Variants in GABRB1 observed in about 807,000 individuals in gnomAD.
GABRB1 encodes the protein gamma-aminobutyric acid receptor subunit beta-1.
Under a neutral mutation model 51.6 loss-of-function variants are expected in GABRB1, and 17 were observed. That is an observed-to-expected ratio of 0.33 (90% CI 0.23 to 0.49). GABRB1 has a LOEUF of 0.49. GABRB1 is among the 20% of genes least tolerant of loss of function. GABRB1 has a pLI of 0.99. For synonymous variants in GABRB1, 247 were observed against 218.9 expected (o/e 1.13, Z -1.14); for missense variants, 410 against 600.6 (o/e 0.68, Z 3.32).
At chr4:47,299,370 G>C (rs1240491267) in intron 4 of GABRB1, among the ~76,000 whole-genome samples, 1 of 151,954 alleles carries the variant, frequency 6.6e-6, no homozygotes, top group South Asian at 2.1e-4. Flanking sequence ...CAGAATCTAC[G>C]ATGAACTCAA....
intron 5 of GABRB1, among the ~76,000 whole-genome samples, chr4:47,334,579 C>T (rs1017472987): frequency 3.3e-5 from 5 of 152,094 alleles, no homozygotes; most frequent in Non-Finnish European, 7.4e-5. Flanking sequence ...CAAATATTTT[C>T]TATGTAGAAA....
chr4:47,397,968 A>G (rs1036413136), intron 5 of GABRB1, among the ~76,000 whole-genome samples: 1 of 152,216 alleles, frequency 6.6e-6, no homozygotes, highest in African/African-American at 2.4e-5. Flanking sequence ...TGTTGGCATT[A>G]TGAGGCAATC....
chr4:47,313,675 G>A (rs940795499), intron 4 of GABRB1, among the ~76,000 whole-genome samples: 1 of 152,070 alleles, frequency 6.6e-6, no homozygotes, highest in Non-Finnish European at 1.5e-5. Context: ...TTAACCATAA[G>A]CATTACAGAA....
At chr4:47,081,240 G>A (rs907018318) in intron 3 of GABRB1, among the ~76,000 whole-genome samples, 2 of 152,074 alleles carry the variant, frequency 1.3e-5, no homozygotes, top group African/African-American at 4.8e-5. Context: ...GTATAGCAGT[G>A]GAAGCACGTT....
chr4:47,093,410 C>T (rs1471098360), intron 3 of GABRB1, among the ~76,000 whole-genome samples: 1 of 151,954 alleles, frequency 6.6e-6, no homozygotes, highest in Non-Finnish European at 1.5e-5. Flanking sequence ...ATTGGGTAAT[C>T]AATGAGCAAT....
intron 4 of GABRB1, among the ~76,000 whole-genome samples, chr4:47,189,205 A>G (rs1177385509): frequency 6.6e-6 from 1 of 151,918 alleles, no homozygotes. Context: ...GGAAACAGCT[A>G]CCAGGGCAAT....
At chr4:47,016,891 G>A (rs1241049362) in intron 1 of GABRB1, among the ~76,000 whole-genome samples, 1 of 152,098 alleles carries the variant, frequency 6.6e-6, no homozygotes, top group Non-Finnish European at 1.5e-5. Flanking sequence ...TGCCTGGCCT[G>A]TGCAGACAAT....
chr4:47,202,481 T>C (rs1389709378), intron 4 of GABRB1, among the ~76,000 whole-genome samples: 2 of 152,208 alleles, frequency 1.3e-5, no homozygotes, highest in Non-Finnish European at 2.9e-5. Context: ...ATTTGTTGAA[T>C]ACCTTCTATT....
intron 5 of GABRB1, among the ~76,000 whole-genome samples, chr4:47,344,814 C>A (rs1726031287): frequency 6.6e-6 from 1 of 152,102 alleles, no homozygotes. Context: ...CCCCTGCCTC[C>A]CAGGTTCAAG....
intron 4 of GABRB1, among the ~76,000 whole-genome samples, chr4:47,189,899 A>G (rs533583956): frequency 1.5e-4 from 23 of 152,090 alleles, no homozygotes; most frequent in Middle Eastern, 6.8e-3. Context: ...CTGTTGTACA[A>G]CATACTATTA....
intron 3 of GABRB1, among the ~76,000 whole-genome samples, chr4:47,049,586 T>C (rs776797302): frequency 2.2e-4 from 34 of 152,198 alleles, no homozygotes; most frequent in Non-Finnish European, 4.4e-4. Context: ...GAGGTTAAAA[T>C]AGCAAGTTAT....
intron 3 of GABRB1, among the ~76,000 whole-genome samples, chr4:47,131,435 G>A (rs564488646): frequency 5.3e-5 from 8 of 152,272 alleles, no homozygotes; most frequent in Admixed American, 6.5e-5. Context: ...TGGGATTACC[G>A]GTGTGAGCCA....
chr4:47,172,857 G>A (rs1464238113), intron 4 of GABRB1, among the ~76,000 whole-genome samples: 1 of 151,882 alleles, frequency 6.6e-6, no homozygotes, highest in African/African-American at 2.4e-5. Context: ...GGCCAGGCTG[G>A]CCTTGAGCTC....
chr4:47,157,520 T>A (rs374885541), intron 3 of GABRB1, among the ~76,000 whole-genome samples: 2 of 152,216 alleles, frequency 1.3e-5, no homozygotes, highest in East Asian at 1.9e-4. Context: ...ATATAATAAG[T>A]AGTTTCTCTG....
chr4:47,203,997 G>A (rs573195142), intron 4 of GABRB1, among the ~76,000 whole-genome samples: 3 of 152,214 alleles, frequency 2.0e-5, no homozygotes, highest in South Asian at 2.1e-4. Context: ...TAATTTCTCC[G>A]TGCTTTGCAC....
chr4:47,306,401 A>AGTAGAGATGGGAGGTGCAGG (rs1698404923), intron 4 of GABRB1, among the ~76,000 whole-genome samples: 1 of 150,904 alleles, frequency 6.6e-6, no homozygotes, highest in Admixed American at 6.6e-5. Flanking sequence ...GAAGGTGCGA[A>AGTAGAGATGGGAGGTGCAGG]GTAGAGATGG....
chr4:47,425,888 G>T lies in GABRB1; in HGVS notation c.1295G>T (p.Arg432Leu), dbSNP rs774918330. 4 of 1,614,108 alleles carry T rather than the reference G, an allele frequency of 2.5e-6. No homozygotes were observed. The highest frequency in any genetic ancestry group is 3.4e-6 in the Non-Finnish European group (4 of 1,179,958). The change falls in exon 9 of 9, where the codon CGT (arginine) becomes CTT (leucine). Residue 432 changes from arginine to leucine, a missense_variant. Coordinates refer to ENST00000295454, the MANE Select transcript of GABRB1 (RefSeq NM_000812.4). ...CCCAGCAAGGGGCGCATCCGCAGGCGTGCCTCCCAGCTCAAAGTCAAGATC... is the reference window on the plus strand; with the variant it reads ...CCCAGCAAGGGGCGCATCCGCAGGCTTGCCTCCCAGCTCAAAGTCAAGATC... ...GVPSKGRIRR[R>L]ASQLKVKIPD...
intron 3 of GABRB1, among the ~76,000 whole-genome samples, chr4:47,057,040 G>T (rs1726641534): frequency 1.3e-5 from 2 of 152,246 alleles, no homozygotes; most frequent in South Asian, 4.1e-4. Flanking sequence ...TGGGAGACGA[G>T]GTTGCAGTGA....
intron 3 of GABRB1, among the ~76,000 whole-genome samples, chr4:47,132,575 A>G (rs1716473916): frequency 6.6e-6 from 1 of 152,216 alleles, no homozygotes; most frequent in African/African-American, 2.4e-5. Context: ...ACAGTCAGTT[A>G]AAATGAACTT....
Sources: gnomAD v4.1 joint callset for allele counts (sites outside exome capture counted in the v4.1 genomes callset) on GRCh38, gnomAD v4.1.1 for gene constraint, MANE v1.5 for transcripts, NCBI Gene and HGNC (gene_info 2026-07-23, HGNC 2026-07-21) for gene names.